NT5C2: variants seen among roughly 807,000 people sequenced by gnomAD.
NT5C2 encodes the protein cytosolic purine 5'-nucleotidase.
A neutral mutation model predicts 76.1 loss-of-function variants in NT5C2; 58 were observed. The ratio of observed to expected loss-of-function variants is 0.76; its 90% confidence interval spans 0.62 to 0.95. The LOEUF (loss-of-function observed/expected upper bound fraction) is 0.95. NT5C2 is among the 40% of genes least tolerant of loss of function. The pLI is 0.00. For missense variants in NT5C2, 478 were observed against 690.3 expected (o/e 0.69, Z 3.45); for synonymous variants, 229 against 237.4 (o/e 0.96, Z 0.32).
At chr10:103,157,301 GGGTAA>G (rs2053335175) in intron 3 of NT5C2, among the ~76,000 whole-genome samples, 1 of 152,030 alleles carries the variant, frequency 6.6e-6, no homozygotes. Context: ...GACTTTGGCA[GGGTAA>G]GGTAAGAAAG....
chr10:103,090,726 G>A lies in NT5C2; in HGVS notation c.1334C>T (p.Ser445Phe). 1 of 1,614,148 alleles carries A rather than the reference G, an allele frequency of 6.2e-7. No homozygotes were observed. Residue 445 changes from serine to phenylalanine, a missense_variant, in exon 18 of 19, where the codon TCC becomes TTC. Coordinates refer to ENST00000404739, the MANE Select transcript of NT5C2 (RefSeq NM_001351169.2). ...GMMGSLFRSG[S>F]RQTLFASQVM... ...TTGACTGGCAAAAAGGGTCTGCCGGGAGCCACTGCGAAACAGGCTTCCCAT... is the reference window on the plus strand; with the variant it reads ...TTGACTGGCAAAAAGGGTCTGCCGGAAGCCACTGCGAAACAGGCTTCCCAT...
intron 1 of NT5C2, among the ~76,000 whole-genome samples, chr10:103,191,458 A>T (rs2092638853): frequency 6.6e-6 from 1 of 151,826 alleles, no homozygotes; most frequent in African/African-American, 2.4e-5. Flanking sequence ...CTCTTTCCCC[A>T]TAAAACAGGA....
At chr10:103,190,639 T>G (rs1297178017) in intron 1 of NT5C2, among the ~76,000 whole-genome samples, 1 of 152,222 alleles carries the variant, frequency 6.6e-6, no homozygotes, top group Non-Finnish European at 1.5e-5. Flanking sequence ...CGAGGTTGCA[T>G]GATGTTAAGT....
chr10:103,177,400 G>C (rs1162368221), intron 2 of NT5C2, among the ~76,000 whole-genome samples: 2 of 152,166 alleles, frequency 1.3e-5, no homozygotes, highest in Non-Finnish European at 2.9e-5. Flanking sequence ...TATCCTCTTA[G>C]AGTTAAGTAG....
chr10:103,165,495 A>G (rs563333890), intron 3 of NT5C2, among the ~76,000 whole-genome samples: 1 of 150,368 alleles, frequency 6.7e-6, no homozygotes, highest in Non-Finnish European at 1.5e-5. Flanking sequence ...CTCCATCTCA[A>G]AAAAAAAAGA....
intron 17 of NT5C2, 36 bp downstream of exon 17, chr10:103,090,899 TA>T: frequency 6.2e-7 from 1 of 1,608,164 alleles, no homozygotes; most frequent in Non-Finnish European, 8.5e-7. Context: ...CATTTAAACT[TA>T]TTTCCCAAGT....
chr10:103,090,086 C>T, intron 18 of NT5C2, 178 bp from the exon 19 acceptor site: 1 of 489,408 alleles, frequency 2.0e-6, no homozygotes, highest in East Asian at 3.2e-5. Flanking sequence ...TTCCTCTCTC[C>T]CTGCCCCTCA....
chr10:103,110,945 C>T (rs558014872), intron 4 of NT5C2, among the ~76,000 whole-genome samples: 4 of 152,290 alleles, frequency 2.6e-5, no homozygotes, highest in Admixed American at 2.6e-4. Flanking sequence ...TAAGTACTGC[C>T]ATTCCTTTAA....
chr10:103,160,950 C>T (rs963781247), intron 3 of NT5C2, among the ~76,000 whole-genome samples: 2 of 151,936 alleles, frequency 1.3e-5, no homozygotes, highest in African/African-American at 2.4e-5. Context: ...GCAGAGGTTG[C>T]AGTGACCTGA....
At chr10:103,163,194 G>C (rs1287634890) in intron 3 of NT5C2, among the ~76,000 whole-genome samples, 1 of 152,322 alleles carries the variant, frequency 6.6e-6, no homozygotes, top group East Asian at 1.9e-4. Flanking sequence ...ACCTGCTGAA[G>C]AACATTTGGG....
rs1294060885 is a variant in NT5C2, at chr10:103,129,271, G to A, written c.175+10135C>T. The stretch of plus-strand genomic sequence containing the variant: ...AGATGGGGGGGTCAGCCCCCCACCC[G>A]GCCAGCCGCCCCGTCCGGGAGGGAG... On this transcript the variant is annotated intron_variant, in intron 4 of 18. Transcript: ENST00000404739. Among the ~76,000 whole-genome samples the A allele has an allele frequency of 4.5e-4, 50 of 111,016 alleles. 1 individual carries two copies. The highest frequency in any genetic ancestry group is 6.7e-3 in the Middle Eastern group (1 of 150). The allele number at this position is 111,016 out of a possible 152,430, so 72.8% of individuals were successfully genotyped here. A position where few individuals can be genotyped will look rare whatever the true frequency, so the allele number is the denominator to read the frequency against.
chr10:103,188,336 C>A (rs747764346), intron 1 of NT5C2, among the ~76,000 whole-genome samples: 7 of 151,470 alleles, frequency 4.6e-5, no homozygotes, highest in Admixed American at 2.0e-4. Flanking sequence ...CCAGCCCAGG[C>A]GACAGTGCAA....
chr10:103,145,807 G>A (rs2081367513), intron 3 of NT5C2, among the ~76,000 whole-genome samples: 1 of 152,052 alleles, frequency 6.6e-6, no homozygotes, highest in Admixed American at 6.6e-5. Context: ...AAATGTAACA[G>A]CTTTTATTAT....
intron 4 of NT5C2, among the ~76,000 whole-genome samples, chr10:103,127,052 C>T (rs2076798777): frequency 6.6e-6 from 1 of 152,180 alleles, no homozygotes; most frequent in South Asian, 2.1e-4. Context: ...TCAAGCAATC[C>T]ACCTGCCTCA....
intron 1 of NT5C2, among the ~76,000 whole-genome samples, chr10:103,192,723 T>A (rs1376905306): frequency 3.3e-5 from 5 of 152,154 alleles, no homozygotes; most frequent in Non-Finnish European, 7.4e-5. Flanking sequence ...CCTTGGCTTC[T>A]CGGGAGGCGA....
At chr10:103,140,300 T>G (rs1184765624) in intron 3 of NT5C2, 1 of 152,224 alleles carries the variant, frequency 6.6e-6, no homozygotes, top group Non-Finnish European at 1.5e-5. Context: ...TCATGCAGTA[T>G]TCTTTGGTGT....
intron 1 of NT5C2, among the ~76,000 whole-genome samples, chr10:103,191,042 G>A (rs907858957): frequency 6.6e-6 from 1 of 152,164 alleles, no homozygotes; most frequent in Non-Finnish European, 1.5e-5. Context: ...GTGGGTTTTT[G>A]TTTTTGGGGA....
At chr10:103,165,134 T>A (rs1243447468) in intron 3 of NT5C2, among the ~76,000 whole-genome samples, 1 of 152,140 alleles carries the variant, frequency 6.6e-6, no homozygotes, top group Non-Finnish European at 1.5e-5. Flanking sequence ...TCGCTCTGTT[T>A]TCCAAGCTAG....
intron 1 of NT5C2, among the ~76,000 whole-genome samples, 187 bp downstream of exon 1, chr10:103,193,049 T>G (rs1224532464): frequency 2.1e-5 from 3 of 145,350 alleles, no homozygotes; most frequent in Non-Finnish European, 4.5e-5. Context: ...GCGTGCGGCG[T>G]CCGCGAGCGC....
Sources: allele counts gnomAD v4.1 joint callset (sites outside exome capture counted in the v4.1 genomes callset), GRCh38; gene constraint gnomAD v4.1.1; transcripts MANE v1.5; gene names NCBI Gene and HGNC (gene_info 2026-07-23, HGNC 2026-07-21).